Variants in ADAM20 observed in about 807,000 individuals in gnomAD.
ADAM20 encodes disintegrin and metalloproteinase domain-containing protein 20.
For synonymous variants in ADAM20, 305 were observed against 310.2 expected, an observed-to-expected ratio of 0.98 and a Z score of 0.18; for missense variants, 871 against 883.2, an observed-to-expected ratio of 0.99 and a Z score of 0.18.
At chr14:70,569,885 C>CAA in the ADAM20 span, among the ~76,000 whole-genome samples, 87 of 76,172 alleles carry the variant, frequency 1.1e-3, 1 homozygote, top group Non-Finnish European at 1.5e-3. Flanking sequence ...AGAAAACTAA[C>CAA]AAAAAAAAAA....
chr14:70,558,159 G>C, the ADAM20 span, among the ~76,000 whole-genome samples: 2 of 152,142 alleles, frequency 1.3e-5, no homozygotes, highest in Admixed American at 6.5e-5. Flanking sequence ...ATCTGAAGGA[G>C]AAATGGTAGA....
At chr14:70,556,717 G>A in the ADAM20 span, 1 of 152,166 alleles carries the variant, frequency 6.6e-6, no homozygotes, top group Non-Finnish European at 1.5e-5. Context: ...CGCAGATGCA[G>A]AAAATACAGT....
the ADAM20 span, among the ~76,000 whole-genome samples, chr14:70,570,052 T>A: frequency 1.3e-3 from 195 of 152,126 alleles, 1 homozygote; most frequent in African/African-American, 3.5e-3. Context: ...ACAAGCTCGG[T>A]CATAAAGCAA....
the ADAM20 span, among the ~76,000 whole-genome samples, chr14:70,562,249 A>G: frequency 1.3e-5 from 2 of 152,190 alleles, no homozygotes; most frequent in Non-Finnish European, 2.9e-5. Context: ...TGACTGCCCT[A>G]TTGGGTTTCA....
chr14:70,558,280 G>T, the ADAM20 span, among the ~76,000 whole-genome samples: 1 of 152,220 alleles, frequency 6.6e-6, no homozygotes, highest in Admixed American at 6.5e-5. Flanking sequence ...GAAAGCCCAG[G>T]ATCTCCAGTG....
the ADAM20 span, among the ~76,000 whole-genome samples, chr14:70,563,904 T>G: frequency 6.6e-6 from 1 of 152,250 alleles, no homozygotes; most frequent in Non-Finnish European, 1.5e-5. Flanking sequence ...GGTATTTCTT[T>G]ATAGCAATGA....
At chr14:70,560,971 A>C in the ADAM20 span, among the ~76,000 whole-genome samples, 1 of 152,224 alleles carries the variant, frequency 6.6e-6, no homozygotes, top group African/African-American at 2.4e-5. Context: ...AGAATGTGGA[A>C]GTGACTTTGG....
rs763526809 is a variant in ADAM20 at position 70,523,355 on chromosome 14, T to C, written c.1403A>G (p.Gln468Arg). 2 of 1,614,086 alleles carry C rather than the reference T, an allele frequency of 1.2e-6. No individual in the cohort carries two copies. The highest frequency in any genetic ancestry group is 2.2e-5 in the South Asian group (2 of 91,082). ...FLPSGTLCRQ[Q>R]VGECDLPEWC... ...CTCTGGAAGGTCACATTCACCAACT[T>C]GTTGTCTACATAAAGTTCCTGATGG... The change falls in exon 2 of 2, where the codon CAA becomes CGA. Residue 468 changes from glutamine to arginine, a missense_variant. Physicochemically the swap from Gln to Arg is conservative, Grantham distance 43. Transcript: ENST00000256389.
chr14:70,553,344 ATT>A, the ADAM20 span, among the ~76,000 whole-genome samples: 1 of 110,082 alleles, frequency 9.1e-6, no homozygotes, highest in Admixed American at 8.6e-5. Flanking sequence ...TAGTAGCAGA[ATT>A]GAAAAAAAAA....
the ADAM20 span, among the ~76,000 whole-genome samples, chr14:70,579,137 C>T: frequency 1.3e-5 from 2 of 152,058 alleles, no homozygotes; most frequent in Non-Finnish European, 1.5e-5. Context: ...AATAGTGCTG[C>T]AATAAACATA....
At chr14:70,560,721 A>ACT in the ADAM20 span, among the ~76,000 whole-genome samples, 1 of 150,446 alleles carries the variant, frequency 6.6e-6, no homozygotes, top group African/African-American at 2.5e-5. Flanking sequence ...TTCCCCCTTC[A>ACT]CTCTCTCTCT....
chr14:70,523,227 G>T lies in ADAM20; in HGVS notation c.1531C>A (p.His511Asn). The T allele has an allele frequency of 6.2e-7, 1 of 1,613,960 alleles. No individual in the cohort carries two copies. The highest frequency in any genetic ancestry group is 2.2e-5 in the East Asian group (1 of 44,882). Residue 511 changes from histidine (H) to asparagine (N), a missense_variant, in exon 2 of 2, where the codon CAT becomes AAT. Physicochemically the swap from His to Asn is moderately conservative, Grantham distance 68. Transcript: ENST00000256389. ...AFCYEKTCNN[H>N]DIQCKEIFGQ... Reference sequence around the variant, plus strand: ...AAAATCTCTTTACATTGTATATCATGGTTATTACACGTCTTTTCATAGCAG... The same window carrying T: ...AAAATCTCTTTACATTGTATATCATTGTTATTACACGTCTTTTCATAGCAG...
At chr14:70,533,866 T>C (rs991291935) in intron 1 of ADAM20, among the ~76,000 whole-genome samples, 1 of 151,630 alleles carries the variant, frequency 6.6e-6, no homozygotes, top group Non-Finnish European at 1.5e-5. Context: ...GTGGATCACC[T>C]GAGGTCAGGA....
Position 70,523,353 on chromosome 14 carries a change from CTTG to C in ADAM20, c.1402_1404del (p.Gln468del). Reference sequence around the variant, plus strand: ...CACTCTGGAAGGTCACATTCACCAACTTGTTGTCTACATAAAGTTCCTGATGGC... The same window carrying C: ...CACTCTGGAAGGTCACATTCACCAACTTGTCTACATAAAGTTCCTGATGGC... On this transcript the variant is annotated inframe_deletion, in exon 2 of 2. Coordinates refer to ENST00000256389, the MANE Select transcript of ADAM20 (RefSeq NM_003814.5). 6.8e-6 allele frequency: 11 copies of C among 1,614,098 alleles called. No individual in the cohort carries two copies. Among genetic ancestry groups the C allele is most frequent in the Non-Finnish European group, 8.5e-6 (10 of 1,179,968 alleles).
chr14:70,559,404 T>G, the ADAM20 span, among the ~76,000 whole-genome samples: 1 of 152,130 alleles, frequency 6.6e-6, no homozygotes, highest in African/African-American at 2.4e-5. Context: ...ATCCCCATCA[T>G]TATCACCCTG....
chr14:70,568,499 G>A, the ADAM20 span, among the ~76,000 whole-genome samples: 1 of 152,146 alleles, frequency 6.6e-6, no homozygotes, highest in Non-Finnish European at 1.5e-5. Flanking sequence ...ACCTCCAAAG[G>A]ATTGCACCAA....
chr14:70,531,270 C>T (rs1415854834), intron 1 of ADAM20, among the ~76,000 whole-genome samples: 1 of 152,092 alleles, frequency 6.6e-6, no homozygotes. Flanking sequence ...ACATGATCAT[C>T]TCAATAGATG....
Position 70,523,214 on chromosome 14 carries a change from C to A in ADAM20, c.1544G>T (p.Cys515Phe). Residue 515 changes from cysteine (C) to phenylalanine (F), a missense_variant, in exon 2 of 2, where the codon TGT becomes TTT. Cys to Phe is a radical substitution (Grantham distance 205). Coordinates refer to ENST00000256389, the MANE Select transcript of ADAM20 (RefSeq NM_003814.5). The stretch of plus-strand genomic sequence containing the variant: ...TGCATCTTGGCCAAAAATCTCTTTA[C>A]ATTGTATATCATGGTTATTACACGT... Reference protein sequence around the residue: ...EKTCNNHDIQCKEIFGQDARS... With the variant: ...EKTCNNHDIQFKEIFGQDARS... The A allele has an allele frequency of 6.2e-7, 1 of 1,614,046 alleles. No homozygotes were observed. Among genetic ancestry groups the A allele is most frequent in the Non-Finnish European group, 8.5e-7 (1 of 1,179,950 alleles).
chr14:70,559,077 TG>T, the ADAM20 span, among the ~76,000 whole-genome samples: 58 of 152,328 alleles, frequency 3.8e-4, no homozygotes, highest in African/African-American at 1.3e-3. Context: ...ATCTCCTGCC[TG>T]GGACTTCTGT....
Sources: gnomAD v4.1 joint callset for allele counts (sites outside exome capture counted in the v4.1 genomes callset) on GRCh38, gnomAD v4.1.1 for gene constraint, MANE v1.5 for transcripts, NCBI Gene and HGNC (gene_info 2026-07-23, HGNC 2026-07-21) for gene names.